CNOT2: variants seen among roughly 807,000 people sequenced by gnomAD.
CNOT2 encodes CC chemokine receptor 4-negative regulator of transcription 2.
Under a neutral mutation model 72.1 loss-of-function variants are expected in CNOT2, and 7 were observed. The observed-to-expected ratio is 0.10, with a 90% CI of 0.06 to 0.18. The LOEUF (loss-of-function observed/expected upper bound fraction) is 0.18, where lower values mean the gene tolerates loss of function less well. Ranked by LOEUF, CNOT2 falls within the 10% of genes least tolerant of loss-of-function variation. CNOT2 has a pLI of 1.00. For synonymous variants in CNOT2, 196 were observed against 225.6 expected (o/e 0.87, Z 1.17); for missense variants, 345 against 660.3 (o/e 0.52, Z 5.23).
chr12:70,266,048 A>T (rs952800690), intron 1 of CNOT2, among the ~76,000 whole-genome samples: 2 of 150,298 alleles, frequency 1.3e-5, no homozygotes, highest in Admixed American at 6.6e-5. Context: ...TAATTTGATG[A>T]ATGTTTCATT....
At position 70,342,516 on chromosome 12, in the gene CNOT2, C is replaced by A; in HGVS notation, c.1290+209C>A. The A allele has an allele frequency of 5.4e-6, 3 of 560,298 alleles. No individual in the cohort carries two copies. The South Asian group carries it at 8.5e-5, about 16-fold the overall frequency. 34.7% of individuals were successfully genotyped at this position (560,298 alleles called of 1,614,324 possible). A position where few individuals can be genotyped will look rare whatever the true frequency, so the allele number is the denominator to read the frequency against. On this transcript the variant is annotated intron_variant, in intron 13 of 15. Transcript: ENST00000229195. ...ATTTAACAACAGGTTACAACCATAA[C>A]CGCAGTTGATGAGAATAAACTAGAT...
chr12:70,350,980 C>A (rs1418311387), intron 15 of CNOT2, among the ~76,000 whole-genome samples: 1 of 152,052 alleles, frequency 6.6e-6, no homozygotes, highest in Admixed American at 6.6e-5. Flanking sequence ...TTCAGTTTTG[C>A]TTGAATTGAA....
rs921897472 is a variant in CNOT2, at chr12:70,339,392, C to T, written c.1178+570C>T. On this transcript the variant is annotated intron_variant, in intron 11 of 15. Coordinates refer to ENST00000229195, the MANE Select transcript of CNOT2 (RefSeq NM_014515.7). ...TATTTTAACTGTTCTTCCAGATCCC[C>T]GTCTCTTTTCCCCTGTGATCAACTC... Among the ~76,000 whole-genome samples, 7 of 152,020 alleles carry T rather than the reference C, an allele frequency of 4.6e-5. No homozygotes were observed. The East Asian group carries it at 1.4e-3, about 29-fold the overall frequency.
chr12:70,287,229 G>A lies in CNOT2; in HGVS notation c.48+8955G>A, dbSNP rs563651414. 2.9e-5 allele frequency among the ~76,000 whole-genome samples: 4 copies of A among 138,742 alleles called. No homozygotes were observed. The South Asian group carries it at 1.0e-3, about 35-fold the overall frequency. The allele number at this position is 138,742 out of a possible 152,430, so 91.0% of individuals were successfully genotyped here. On this transcript the variant is annotated intron_variant, in intron 2 of 15. Coordinates refer to ENST00000229195, the MANE Select transcript of CNOT2 (RefSeq NM_014515.7). ...ACCTTATATATTTTTTTCCTCTGTA[G>A]CATCTTTTTCTTCTTAAGGTTGTTT...
At chr12:70,292,764 A>G (rs11178175) in intron 2 of CNOT2, among the ~76,000 whole-genome samples, 2,055 of 152,286 alleles carry the variant, frequency 0.013, 46 homozygotes, top group African/African-American at 0.046. Context: ...CCTGAAGGGG[A>G]TAAAGTGTAT....
intron 2 of CNOT2, among the ~76,000 whole-genome samples, chr12:70,292,323 A>G (rs1872064020): frequency 6.6e-6 from 1 of 152,204 alleles, no homozygotes; most frequent in African/African-American, 2.4e-5. Flanking sequence ...TATAACATCA[A>G]TATTATGAAA....
chr12:70,308,584 T>TCTCTCTCTCTCTCACA (rs550679130), intron 2 of CNOT2, among the ~76,000 whole-genome samples: 7 of 133,238 alleles, frequency 5.3e-5, no homozygotes, highest in African/African-American at 2.0e-4. Context: ...TCTCTCTCTC[T>TCTCTCTCTCTCTCACA]CACACACACA....
intron 2 of CNOT2, among the ~76,000 whole-genome samples, chr12:70,291,868 C>G (rs549728455): frequency 6.6e-6 from 1 of 152,106 alleles, no homozygotes; most frequent in Non-Finnish European, 1.5e-5. Context: ...ACCAGGGAGG[C>G]GGAGTTTGCA....
intron 13 of CNOT2, among the ~76,000 whole-genome samples, chr12:70,343,460 A>C (rs1881763230): frequency 1.3e-5 from 2 of 152,240 alleles, no homozygotes; most frequent in African/African-American, 4.8e-5. Flanking sequence ...AATGTAAAGC[A>C]ATCATCTTTC....
At chr12:70,350,023 A>G (rs1386331116) in intron 15 of CNOT2, among the ~76,000 whole-genome samples, 4 of 151,250 alleles carry the variant, frequency 2.6e-5, no homozygotes, top group East Asian at 1.9e-4. Flanking sequence ...TTAATTTAAC[A>G]TTGTATTTTG....
intron 1 of CNOT2, among the ~76,000 whole-genome samples, chr12:70,270,692 A>T (rs1269453989): frequency 1.3e-5 from 2 of 152,130 alleles, no homozygotes; most frequent in African/African-American, 4.8e-5. Context: ...ATTATTTTAG[A>T]TTCTTAGTCC....
intron 2 of CNOT2, among the ~76,000 whole-genome samples, chr12:70,308,584 T>TCTCTCTCTCACA (rs550679130): frequency 2.6e-4 from 34 of 133,324 alleles, no homozygotes; most frequent in South Asian, 9.3e-4. Context: ...TCTCTCTCTC[T>TCTCTCTCTCACA]CACACACACA....
chr12:70,284,324 A>G (rs1255234627), intron 2 of CNOT2, among the ~76,000 whole-genome samples: 1 of 151,590 alleles, frequency 6.6e-6, no homozygotes, highest in African/African-American at 2.4e-5. Flanking sequence ...CGCTCACTGC[A>G]ACCTCTGCCA....
At chr12:70,331,405 C>A (rs1335115753) in intron 6 of CNOT2, 1 of 151,774 alleles carries the variant, frequency 6.6e-6, no homozygotes, top group Non-Finnish European at 1.5e-5. Flanking sequence ...CTCCTTGATA[C>A]CTTTCTAACC....
At chr12:70,276,644 G>GAAT (rs1432593681) in intron 1 of CNOT2, among the ~76,000 whole-genome samples, 1 of 151,892 alleles carries the variant, frequency 6.6e-6, no homozygotes, top group Admixed American at 6.6e-5. Flanking sequence ...CTTTCCTTAT[G>GAAT]AATAACCTCA....
chr12:70,354,231 A>G lies in CNOT2; in HGVS notation c.*316A>G, dbSNP rs747030628. The G allele has an allele frequency of 8.4e-5, 25 of 297,932 alleles. No homozygotes were observed. Among genetic ancestry groups the G allele is most frequent in the Non-Finnish European group, 1.4e-4 (23 of 167,420 alleles). 18.5% of individuals were successfully genotyped at this position (297,932 alleles called of 1,614,324 possible). A position where few individuals can be genotyped will look rare whatever the true frequency, so the allele number is the denominator to read the frequency against. On this transcript the variant is annotated 3_prime_UTR_variant, in exon 16 of 16. Transcript: ENST00000229195. ...GCAAATACACTGACAGAAGTTTACC[A>G]TAGTTTCTAAAATGTAAAAAAGAAA... is the stretch of plus-strand genomic sequence containing the variant.
At chr12:70,349,920 A>G (rs1262415874) in intron 15 of CNOT2, among the ~76,000 whole-genome samples, 2 of 151,938 alleles carry the variant, frequency 1.3e-5, no homozygotes, top group Non-Finnish European at 2.9e-5. Context: ...AGGTAGGAGG[A>G]TTGCTTGAGC....
intron 3 of CNOT2, among the ~76,000 whole-genome samples, chr12:70,312,840 C>G (rs1876698360): frequency 6.6e-6 from 1 of 151,714 alleles, no homozygotes; most frequent in Admixed American, 6.6e-5. Flanking sequence ...TTTAAAATTA[C>G]AAAATAGCAC....
intron 2 of CNOT2, among the ~76,000 whole-genome samples, chr12:70,292,715 C>T (rs1220605531): frequency 6.6e-6 from 1 of 152,162 alleles, no homozygotes; most frequent in Non-Finnish European, 1.5e-5. Context: ...TGTGTTTCAC[C>T]TCTATTCCGT....
Sources: allele counts gnomAD v4.1 joint callset (sites outside exome capture counted in the v4.1 genomes callset), GRCh38; gene constraint gnomAD v4.1.1; transcripts MANE v1.5; gene names NCBI Gene and HGNC (gene_info 2026-07-23, HGNC 2026-07-21).